WDFY4: variants seen among roughly 807,000 people sequenced by gnomAD.
WDFY4 encodes the protein WD repeat- and FYVE domain-containing protein 4.
WDFY4 carries 169 observed loss-of-function variants against 351.9 expected under a neutral mutation model. That is an observed-to-expected ratio of 0.48 (90% CI 0.42 to 0.55). The LOEUF is 0.55. Ranked by LOEUF, WDFY4 falls within the 20% of genes least tolerant of loss-of-function variation. WDFY4 has a pLI of 0.00. For missense variants in WDFY4, 3,803 were observed against 3,935.6 expected, an observed-to-expected ratio of 0.97 and a Z score of 0.90; for synonymous variants, 1,622 against 1,574.6, an observed-to-expected ratio of 1.03 and a Z score of -0.71.
At chr10:48,755,947 T>C (rs1372444544) in intron 12 of WDFY4, among the ~76,000 whole-genome samples, 5 of 152,106 alleles carry the variant, frequency 3.3e-5, no homozygotes, top group Non-Finnish European at 7.4e-5. Flanking sequence ...AGTTTTTTTA[T>C]ACTGTGTTTT....
chr10:48,736,746 G>T lies in WDFY4; in HGVS notation c.1878+676G>T, dbSNP rs144031935. Among the ~76,000 whole-genome samples the T allele has an allele frequency of 1.8e-4, 27 of 152,274 alleles. No homozygotes were observed. In the East Asian group the frequency reaches 5.0e-3, roughly 28 times the overall value. ...GTGGGTGCATTGGTTAGACACTGAG[G>T]GCAGGTTGCTATGGGAACACAGAAG... is the stretch of plus-strand genomic sequence containing the variant. On this transcript the variant is annotated intron_variant, in intron 11 of 61. Coordinates refer to ENST00000325239, the MANE Select transcript of WDFY4 (RefSeq NM_001394531.1).
At chr10:48,854,573 C>T (rs1489545423) in intron 39 of WDFY4, among the ~76,000 whole-genome samples, 1 of 152,210 alleles carries the variant, frequency 6.6e-6, no homozygotes, top group Non-Finnish European at 1.5e-5. Flanking sequence ...CTAGTAACCT[C>T]ATTTTATAGA....
chr10:48,743,154 T>C lies in WDFY4; in HGVS notation c.2065T>C (p.Ser689Pro), dbSNP rs1476624643. 2 of 1,551,680 alleles carry C rather than the reference T, an allele frequency of 1.3e-6. No homozygotes were observed. The change falls in exon 12 of 62, where the codon TCC (serine) becomes CCC (proline). Residue 689 changes from serine to proline, a missense_variant. Coordinates refer to ENST00000325239, the MANE Select transcript of WDFY4 (RefSeq NM_001394531.1). Reference sequence around the variant, plus strand: ...GGTTTTGTACACTCTCTGTGCTGTGTCCGCAGCGCTGCACTGGGACCCTGT... The same window carrying C: ...GGTTTTGTACACTCTCTGTGCTGTGCCCGCAGCGCTGCACTGGGACCCTGT... ...ELVLYTLCAV[S>P]AALHWDPVNG...
chr10:48,796,436 C>T lies in WDFY4; in HGVS notation c.4396C>T (p.Leu1466Phe). The T allele has an allele frequency of 1.3e-6, 2 of 1,551,382 alleles. No homozygotes were observed. Among genetic ancestry groups the T allele is most frequent in the Non-Finnish European group, 1.7e-6 (2 of 1,146,988 alleles). Residue 1466 changes from leucine to phenylalanine, a missense_variant, in exon 24 of 62, where the codon CTC becomes TTC. Transcript: ENST00000325239. ...ITNTGVFQHI[L>F]CNFELWMNTA... ...CAACACTGGTGTCTTCCAGCACATC[C>T]TCTGCAATTTCGAGGTAAATCAGAG... is the stretch of plus-strand genomic sequence containing the variant.
At chr10:48,833,850 C>G (rs1263025973) in intron 39 of WDFY4, among the ~76,000 whole-genome samples, 1 of 152,200 alleles carries the variant, frequency 6.6e-6, no homozygotes, top group African/African-American at 2.4e-5. Flanking sequence ...CTGACAGACA[C>G]ATTAACATAA....
chr10:48,731,495 G>C lies in WDFY4; in HGVS notation c.1515G>C (p.Arg505=). ...ACCCCCTCTTCACCGACATCTTCCGGGACTCAGGGCTCCTGGGCCTGCTAC... is the reference window on the plus strand; with the variant it reads ...ACCCCCTCTTCACCGACATCTTCCGCGACTCAGGGCTCCTGGGCCTGCTAC... ...GGDPLFTDIF[R]DSGLLGLLLA... Residue 505 remains arginine, a synonymous_variant, in exon 9 of 62, where the codon CGG becomes CGC. Coordinates refer to ENST00000325239, the MANE Select transcript of WDFY4 (RefSeq NM_001394531.1). 6.4e-7 allele frequency: 1 copy of C among 1,551,590 alleles called. No individual in the cohort carries two copies. Among genetic ancestry groups the C allele is most frequent in the Non-Finnish European group, 8.7e-7 (1 of 1,146,992 alleles).
At chr10:48,792,440 A>G (rs1330508985) in intron 23 of WDFY4, among the ~76,000 whole-genome samples, 1 of 152,218 alleles carries the variant, frequency 6.6e-6, no homozygotes, top group Admixed American at 6.5e-5. Flanking sequence ...TGACACCATG[A>G]AGACACTCAG....
intron 27 of WDFY4, among the ~76,000 whole-genome samples, chr10:48,807,028 A>G (rs1256044406): frequency 6.6e-6 from 1 of 152,228 alleles, no homozygotes; most frequent in East Asian, 1.9e-4. Flanking sequence ...AGAAATTACT[A>G]TTCCCATTTT....
intron 2 of WDFY4, 116 bp downstream of exon 2, chr10:48,710,082 G>A: frequency 2.0e-6 from 2 of 979,272 alleles, no homozygotes; most frequent in Non-Finnish European, 2.9e-6. Context: ...CTGATTGGTT[G>A]CTCAGGGGAG....
intron 12 of WDFY4, among the ~76,000 whole-genome samples, chr10:48,753,290 G>A (rs1251936617): frequency 6.6e-6 from 1 of 152,034 alleles, no homozygotes; most frequent in Non-Finnish European, 1.5e-5. Flanking sequence ...AATATGATTT[G>A]CAAATATTTT....
Position 48,735,928 on chromosome 10 carries a change from A to C in WDFY4, c.1736A>C (p.Asp579Ala), listed in dbSNP as rs1368773577. Reference sequence around the variant, plus strand: ...GTGCCCTTCATCAAGATCTTCCTGGATGACGAGTGCTACCGGGAGGCCTCG... The same window carrying C: ...GTGCCCTTCATCAAGATCTTCCTGGCTGACGAGTGCTACCGGGAGGCCTCG... ...GMVPFIKIFL[D>A]DECYREASLS... is the part of the protein sequence containing the mutation. Residue 579 changes from aspartate (D) to alanine (A), a missense_variant, in exon 11 of 62, where the codon GAT (aspartate) becomes GCT (alanine). Transcript: ENST00000325239. 1 of 1,551,722 alleles carries C rather than the reference A, an allele frequency of 6.4e-7. No homozygotes were observed. Among genetic ancestry groups the C allele is most frequent in the Admixed American group, 2.0e-5 (1 of 51,012 alleles).
intron 39 of WDFY4, among the ~76,000 whole-genome samples, chr10:48,858,732 C>T (rs1039750772): frequency 2.0e-5 from 3 of 152,152 alleles, no homozygotes; most frequent in South Asian, 2.1e-4. Flanking sequence ...TCGTCTGTAT[C>T]TAGAAAAAGC....
intron 5 of WDFY4, among the ~76,000 whole-genome samples, chr10:48,724,313 G>A (rs1049445241): frequency 3.9e-5 from 6 of 152,128 alleles, no homozygotes; most frequent in African/African-American, 7.2e-5. Flanking sequence ...CCCAAATGCA[G>A]CTGTCCATGG....
At chr10:48,852,696 C>G (rs945377930) in intron 39 of WDFY4, among the ~76,000 whole-genome samples, 1 of 152,204 alleles carries the variant, frequency 6.6e-6, no homozygotes, top group Admixed American at 6.5e-5. Flanking sequence ...TCATCCCCAT[C>G]TGCAGCCATC....
At chr10:48,777,798 AGATGAGTTGTTCTTCAACTTT>A (rs2066083321) in intron 17 of WDFY4, among the ~76,000 whole-genome samples, 2 of 152,258 alleles carry the variant, frequency 1.3e-5, no homozygotes, top group African/African-American at 4.8e-5. Flanking sequence ...GAGTATCTGC[AGATGAGTTGTTCTTCAACTTT>A]GCTCCTCTTT....
At position 48,729,142 on chromosome 10, in the gene WDFY4, GC is replaced by G. The variant is rs145614465; in HGVS notation, c.972-287del. ...TTGGGAGGTGCCCTGATCTGCTGAT[GC>G]CCTAACCACATGTCTTTTGGAGGTT... On this transcript the variant is annotated intron_variant, in intron 7 of 61. Transcript: ENST00000325239. Among the ~76,000 whole-genome samples, 1,323 of 152,358 alleles carry G rather than the reference GC, an allele frequency of 8.7e-3. 17 individuals carry two copies. Among genetic ancestry groups the G allele is most frequent in the African/African-American group, 0.03 (1,266 of 41,584 alleles).
At chr10:48,947,176 C>A (rs571089535) in intron 51 of WDFY4, among the ~76,000 whole-genome samples, 3 of 152,210 alleles carry the variant, frequency 2.0e-5, no homozygotes, top group African/African-American at 7.2e-5. Flanking sequence ...TACACCTGCA[C>A]ATCTGCCCAA....
At chr10:48,805,945 A>G in intron 26 of WDFY4, 59 bp from the exon 27 acceptor site, 1 of 1,438,754 alleles carries the variant, frequency 7.0e-7, no homozygotes, top group Non-Finnish European at 9.6e-7. Context: ...ACTGGCATGT[A>G]CTCAGCGGAC....
chr10:48,857,366 G>A (rs1390423981), intron 39 of WDFY4, among the ~76,000 whole-genome samples: 7 of 151,878 alleles, frequency 4.6e-5, no homozygotes, highest in Non-Finnish European at 8.8e-5. Context: ...TAAGCTCTTG[G>A]TGGTGGGGAA....
Sources: allele counts gnomAD v4.1 joint callset (sites outside exome capture counted in the v4.1 genomes callset), GRCh38; gene constraint gnomAD v4.1.1; transcripts MANE v1.5; gene names NCBI Gene and HGNC (gene_info 2026-07-23, HGNC 2026-07-21).